Variants in LRRN3 observed in about 807,000 individuals in gnomAD.
LRRN3 encodes leucine-rich repeat neuronal protein 3.
A neutral mutation model predicts 40.1 loss-of-function variants in LRRN3; 15 were observed. The ratio of observed to expected loss-of-function variants is 0.37; its 90% CI spans 0.25 to 0.58. The LOEUF (loss-of-function observed/expected upper bound fraction) is 0.58. LRRN3 is among the 20% of genes least tolerant of loss of function. LRRN3 has a pLI of 0.72. For synonymous variants in LRRN3, 308 were observed against 297.2 expected (o/e 1.04, Z -0.37); for missense variants, 746 against 837.7 (o/e 0.89, Z 1.35).
chr7:111,116,946 T>C (rs1242736896), intron 2 of LRRN3, among the ~76,000 whole-genome samples: 1 of 152,190 alleles, frequency 6.6e-6, no homozygotes, highest in Non-Finnish European at 1.5e-5. Context: ...AATTCACATC[T>C]GAATTTAGAT....
intron 2 of LRRN3, among the ~76,000 whole-genome samples, chr7:111,109,656 C>T (rs1798961152): frequency 6.6e-6 from 1 of 152,150 alleles, no homozygotes; most frequent in Non-Finnish European, 1.5e-5. Flanking sequence ...TGAGTTATCA[C>T]CTGTAAAGTG....
chr7:111,095,057 G>A (rs1415959912), intron 1 of LRRN3, among the ~76,000 whole-genome samples: 1 of 151,938 alleles, frequency 6.6e-6, no homozygotes, highest in African/African-American at 2.4e-5. Flanking sequence ...TTGCTATTAT[G>A]TTAATTCATC....
At chr7:111,099,392 A>T (rs1479438348) in intron 1 of LRRN3, among the ~76,000 whole-genome samples, 2 of 151,750 alleles carry the variant, frequency 1.3e-5, no homozygotes, top group Non-Finnish European at 3.0e-5. Context: ...CTTCTTCAGT[A>T]TGAATAAGCT....
chr7:111,123,325 G>T lies in LRRN3; in HGVS notation c.553G>T (p.Asp185Tyr), dbSNP rs773818533. 18 of 1,613,630 alleles carry T rather than the reference G, an allele frequency of 1.1e-5. No individual in the cohort carries two copies. Among genetic ancestry groups the T allele is most frequent in the Non-Finnish European group, 1.4e-5 (17 of 1,179,920 alleles). ...RLQMINSKWF[D>Y]ALPNLEILMI... ...GCAGATGATCAACAGTAAGTGGTTTGATGCTCTTCCAAATCTAGAGATTCT... is the reference window on the plus strand; with the variant it reads ...GCAGATGATCAACAGTAAGTGGTTTTATGCTCTTCCAAATCTAGAGATTCT... Residue 185 changes from aspartate to tyrosine, a missense_variant, in exon 3 of 3, where the codon GAT becomes TAT. Physicochemically the swap from Asp to Tyr is radical, Grantham distance 160 (BLOSUM62 -3). Transcript: ENST00000308478. The surrounding 1 kb of genome is among the most constrained non-coding windows in gnomAD (Gnocchi z 6.4).
At position 111,122,950 on chromosome 7, in the gene LRRN3, CT is replaced by C; in HGVS notation, c.182del (p.Leu61Ter). The part of the protein sequence containing the change: ...ASTVDCNDLG[L>X]LTFPARLPAN... ...TACAGTGGATTGTAATGATTTAGGT[CT>C]TTTAACTTTCCCAGCCAGATTGCCA... On this transcript the variant is annotated frameshift_variant, in exon 3 of 3. Coordinates refer to ENST00000308478, the MANE Select transcript of LRRN3 (RefSeq NM_001099658.2). LOFTEE classifies it high-confidence loss of function. 6.2e-7 allele frequency: 1 copy of C among 1,614,030 alleles called. No homozygotes were observed. The highest frequency in any genetic ancestry group is 8.5e-7 in the Non-Finnish European group (1 of 1,179,950).
Position 111,123,882 on chromosome 7 carries a change from C to G in LRRN3, c.1110C>G (p.Ile370Met). 6.2e-7 allele frequency: 1 copy of G among 1,614,004 alleles called. No homozygotes were observed. ...AAATCAGCATACACAGTAACCCCAT[C>G]AGGTGTGACTGTGTCATCCGTTGGA... ...LKEISIHSNP[I>M]RCDCVIRWMN... The change falls in exon 3 of 3, where the codon ATC (isoleucine) becomes ATG (methionine). Residue 370 changes from isoleucine to methionine, a missense_variant. Physicochemically the swap from Ile to Met is conservative, Grantham distance 10 (BLOSUM62 1). Coordinates refer to ENST00000308478, the MANE Select transcript of LRRN3 (RefSeq NM_001099658.2). The surrounding 1 kb of genome is among the most constrained non-coding windows in gnomAD (Gnocchi z 6.4).
At position 111,124,714 on chromosome 7, in the gene LRRN3, T is replaced by A; in HGVS notation, c.1942T>A (p.Cys648Ser). The change falls in exon 3 of 3, where the codon TGC (cysteine) becomes AGC (serine). Residue 648 changes from cysteine (C) to serine (S), a missense_variant. Cys to Ser is a moderately radical substitution (Grantham distance 112). Transcript: ENST00000308478. The part of the protein sequence containing the change: ...GIIGVICLIS[C>S]LSPEMNCDGG... ...TATTGGTGTGATATGTCTTATCAGC[T>A]GCCTCTCTCCAGAAATGAACTGTGA... 1 of 1,613,956 alleles carries A rather than the reference T, an allele frequency of 6.2e-7. No individual in the cohort carries two copies. Among genetic ancestry groups the A allele is most frequent in the Non-Finnish European group, 8.5e-7 (1 of 1,179,972 alleles).
chr7:111,103,509 C>A (rs1220143268), intron 2 of LRRN3, among the ~76,000 whole-genome samples: 1 of 151,514 alleles, frequency 6.6e-6, no homozygotes, highest in East Asian at 1.9e-4. Context: ...ACAGAAATAA[C>A]CAGAAAAATA....
chr7:111,111,937 A>ATAGTTT (rs1799260233), intron 2 of LRRN3, among the ~76,000 whole-genome samples: 11 of 132,018 alleles, frequency 8.3e-5, no homozygotes, highest in African/African-American at 3.0e-4. Flanking sequence ...ATATATATAT[A>ATAGTTT]GTTTGTTTTT....
intron 2 of LRRN3, among the ~76,000 whole-genome samples, chr7:111,109,240 A>C (rs1386387086): frequency 6.6e-6 from 1 of 152,198 alleles, no homozygotes; most frequent in African/African-American, 2.4e-5. Flanking sequence ...ATAAACCATT[A>C]ACTTTCCTTC....
At chr7:111,112,599 A>G (rs1799370952) in intron 2 of LRRN3, among the ~76,000 whole-genome samples, 1 of 152,342 alleles carries the variant, frequency 6.6e-6, no homozygotes, top group African/African-American at 2.4e-5. Flanking sequence ...TTCTATTTTT[A>G]AAACTTTTTT....
intron 2 of LRRN3, among the ~76,000 whole-genome samples, chr7:111,120,878 T>C (rs767482141): frequency 6.6e-6 from 1 of 152,168 alleles, no homozygotes; most frequent in African/African-American, 2.4e-5. Context: ...CTAACTCATT[T>C]GGTTGTAAGT....
intron 2 of LRRN3, among the ~76,000 whole-genome samples, chr7:111,108,793 A>G (rs773590189): frequency 4.6e-5 from 7 of 152,180 alleles, no homozygotes; most frequent in Non-Finnish European, 8.8e-5. Flanking sequence ...AACAAAACAA[A>G]GGTCACAAAT....
chr7:111,110,245 A>C (rs1179336840), intron 2 of LRRN3, among the ~76,000 whole-genome samples: 1 of 152,228 alleles, frequency 6.6e-6, no homozygotes, highest in Non-Finnish European at 1.5e-5. Context: ...CATTAGGGAA[A>C]ATGATATTCT....
chr7:111,116,202 C>T (rs1799859456), intron 2 of LRRN3, among the ~76,000 whole-genome samples: 1 of 152,050 alleles, frequency 6.6e-6, no homozygotes, highest in African/African-American at 2.4e-5. Context: ...GCCCTATATC[C>T]AGAGGAATGG....
intron 2 of LRRN3, among the ~76,000 whole-genome samples, chr7:111,105,233 G>A (rs1455829309): frequency 1.3e-5 from 2 of 151,800 alleles, no homozygotes; most frequent in Non-Finnish European, 2.9e-5. Flanking sequence ...ATGTCAATAG[G>A]CTGAAAAATT....
intron 2 of LRRN3, among the ~76,000 whole-genome samples, chr7:111,100,852 A>G (rs1586264394): frequency 6.6e-6 from 1 of 151,790 alleles, no homozygotes; most frequent in Non-Finnish European, 1.5e-5. Context: ...GACCATAAAT[A>G]TCTTGCAAAT....
chr7:111,106,679 G>A (rs913080589), intron 2 of LRRN3, among the ~76,000 whole-genome samples: 24 of 147,092 alleles, frequency 1.6e-4, no homozygotes, highest in South Asian at 2.3e-4. Context: ...TTAAAGTCTC[G>A]GTGTGTGAAA....
chr7:111,124,647 T>C lies in LRRN3; in HGVS notation c.1875T>C (p.Asn625=). The part of the protein sequence containing the change: ...HPDQKEYEKN[N]TTTLMACLGG... ...ATCAAAAAGAGTATGAAAAGAATAA[T>C]ACCACAACACTTATGGCCTGTCTTG... The change falls in exon 3 of 3, where the codon AAT becomes AAC. Residue 625 remains asparagine (N), a synonymous_variant. Transcript: ENST00000308478. 1 of 1,612,950 alleles carries C rather than the reference T, an allele frequency of 6.2e-7. No individual in the cohort carries two copies.
Sources: gnomAD v4.1 joint callset for allele counts (sites outside exome capture counted in the v4.1 genomes callset) on GRCh38, gnomAD v4.1.1 for gene constraint, Gnocchi (gnomAD v3.1) non-coding constraint, MANE v1.5 for transcripts, NCBI Gene and HGNC (gene_info 2026-07-23, HGNC 2026-07-21) for gene names.